Variants in PCDH15 observed in about 807,000 individuals in gnomAD.
PCDH15 encodes the protein protocadherin related 15.
PCDH15 carries 129 observed loss-of-function variants against 178.5 expected under a neutral mutation model. That is an observed-to-expected ratio of 0.72 (90% CI 0.63 to 0.84). PCDH15 has a LOEUF of 0.84. Ranked by LOEUF, PCDH15 falls within the 40% of genes least tolerant of loss-of-function variation. The pLI, the probability that PCDH15 is intolerant of heterozygous loss-of-function variation, is 0.00. For missense variants in PCDH15, 2,230 were observed against 2,099.9 expected (o/e 1.06, Z -1.21); for synonymous variants, 800 against 732.0 (o/e 1.09, Z -1.50).
intron 1 of PCDH15, among the ~76,000 whole-genome samples, chr10:54,713,836 G>A (rs1335869542): frequency 6.6e-6 from 1 of 152,072 alleles, no homozygotes; most frequent in African/African-American, 2.4e-5. Context: ...TTATCAAAAA[G>A]GTTAAATCCT....
At chr10:53,823,808 G>GAGCC (rs1657357578) in intron 32 of PCDH15, 1 of 456,266 alleles carries the variant, frequency 2.2e-6, no homozygotes, top group Non-Finnish European at 4.4e-6. Flanking sequence ...TTCTGTCCTA[G>GAGCC]AGCCAAAAGT....
chr10:55,316,578 T>C (rs1205201290), intron 1 of PCDH15, among the ~76,000 whole-genome samples: 1 of 152,158 alleles, frequency 6.6e-6, no homozygotes. Context: ...TGAGCCCATT[T>C]GTAGCTTCAG....
At chr10:53,980,220 C>CAA (rs11393600) in intron 21 of PCDH15, among the ~76,000 whole-genome samples, 12,868 of 137,182 alleles carry the variant, frequency 0.094, 1,580 homozygotes, top group African/African-American at 0.28. Flanking sequence ...GACTCCATCT[C>CAA]AAAAAAAAAA....
intron 2 of PCDH15, among the ~76,000 whole-genome samples, chr10:54,938,293 CATAGTGTATAGTACT>C (rs2131860364): frequency 6.9e-6 from 1 of 144,944 alleles, no homozygotes. Flanking sequence ...TTCGGTTTAG[CATAGTGTATAGTACT>C]TTTTATATGT....
intron 1 of PCDH15, among the ~76,000 whole-genome samples, chr10:54,740,685 T>C (rs1944677891): frequency 6.6e-6 from 1 of 151,962 alleles, no homozygotes; most frequent in Admixed American, 6.6e-5. Context: ...GGCGTATTAA[T>C]ACATTAAAAA....
chr10:54,299,313 G>A (rs919029789), intron 8 of PCDH15, among the ~76,000 whole-genome samples: 5 of 151,938 alleles, frequency 3.3e-5, no homozygotes, highest in Non-Finnish European at 7.4e-5. Context: ...GACAAAGAGG[G>A]AGTCAGAAAG....
intron 10 of PCDH15, among the ~76,000 whole-genome samples, chr10:54,205,009 A>T (rs531934410): frequency 6.6e-6 from 1 of 152,238 alleles, no homozygotes; most frequent in Non-Finnish European, 1.5e-5. Context: ...TATTAGTTTA[A>T]TTTTATCATA....
intron 3 of PCDH15, among the ~76,000 whole-genome samples, chr10:54,819,228 G>A (rs1952997481): frequency 6.6e-6 from 1 of 151,856 alleles, no homozygotes. Flanking sequence ...AACATTCATG[G>A]TAACTGATAG....
chr10:54,747,306 G>T (rs910719084), intron 1 of PCDH15, among the ~76,000 whole-genome samples: 7 of 152,118 alleles, frequency 4.6e-5, no homozygotes, highest in African/African-American at 1.7e-4. Context: ...AGCAGTCTCA[G>T]GTCTGTTATG....
intron 1 of PCDH15, among the ~76,000 whole-genome samples, chr10:55,182,400 T>C (rs747707404): frequency 2.0e-5 from 3 of 151,926 alleles, no homozygotes; most frequent in Non-Finnish European, 4.4e-5. Context: ...ACACTTGCAC[T>C]TGCTCATGAA....
intron 1 of PCDH15, among the ~76,000 whole-genome samples, chr10:55,241,708 C>T (rs920833561): frequency 6.6e-6 from 1 of 152,192 alleles, no homozygotes; most frequent in Non-Finnish European, 1.5e-5. Context: ...CAGGTATGAG[C>T]CACCACGCCC....
At chr10:54,781,858 C>T (rs1231697902) in intron 1 of PCDH15, among the ~76,000 whole-genome samples, 1 of 152,092 alleles carries the variant, frequency 6.6e-6, no homozygotes, top group Non-Finnish European at 1.5e-5. Flanking sequence ...ACACGAGGTT[C>T]CTGCTTTCAA....
At position 54,118,111 on chromosome 10, in the gene PCDH15, T is replaced by C. The variant is rs1245616287; in HGVS notation, c.1917+14764A>G. 2.0e-5 allele frequency among the ~76,000 whole-genome samples: 3 copies of C among 152,160 alleles called. 1 individual carries two copies. The highest frequency in any genetic ancestry group is 7.2e-5 in the African/African-American group (3 of 41,450). On this transcript the variant is annotated intron_variant, in intron 15 of 37. Coordinates refer to ENST00000644397, the MANE Select transcript of PCDH15 (RefSeq NM_001384140.1). ...GCAATCTTAAGCCAAAGAACAAAGC[T>C]GAAGCCATCACACTACCTGCATTCA...
Position 55,018,209 on chromosome 10 carries a change from T to A in PCDH15, c.-79-120709A>T, listed in dbSNP as rs142598216. Among the ~76,000 whole-genome samples, 378 of 152,012 alleles carry A rather than the reference T, an allele frequency of 2.5e-3. 1 individual carries two copies. The highest frequency in any genetic ancestry group is 0.014 in the Middle Eastern group (4 of 294). ...GCATTGCAGTATAATCTGGAAAAAA[T>A]TAATGCGAAAAAGTTGATCTATGAT... On this transcript the variant is annotated intron_variant, in intron 2 of 5. Transcript: ENST00000458638.
At chr10:54,910,763 GAACTATT>G (rs1954802249) in intron 2 of PCDH15, among the ~76,000 whole-genome samples, 1 of 152,088 alleles carries the variant, frequency 6.6e-6, no homozygotes, top group Non-Finnish European at 1.5e-5. Flanking sequence ...GAAAATCAGT[GAACTATT>G]AACTATTTGT....
At chr10:54,324,464 A>G (rs1666596041) in intron 7 of PCDH15, among the ~76,000 whole-genome samples, 1 of 152,132 alleles carries the variant, frequency 6.6e-6, no homozygotes, top group African/African-American at 2.4e-5. Context: ...TCTTGCCATG[A>G]TTCTAAATTA....
intron 2 of PCDH15, among the ~76,000 whole-genome samples, chr10:54,546,526 A>G (rs2085870347): frequency 6.6e-6 from 1 of 152,158 alleles, no homozygotes; most frequent in Admixed American, 6.6e-5. Context: ...TAAGAAATAA[A>G]TGCATTGCAT....
chr10:55,205,296 A>G (rs1356810783), intron 1 of PCDH15, among the ~76,000 whole-genome samples: 4 of 152,042 alleles, frequency 2.6e-5, no homozygotes, highest in South Asian at 4.1e-4. Context: ...AGAATTCTCA[A>G]TTAAAGCAAT....
intron 2 of PCDH15, among the ~76,000 whole-genome samples, chr10:54,965,219 T>C (rs1016520396): frequency 6.6e-6 from 1 of 152,104 alleles, no homozygotes; most frequent in Non-Finnish European, 1.5e-5. Context: ...GTATCTCACA[T>C]AGTGGCATGG....
Sources: gnomAD v4.1 joint callset for allele counts (sites outside exome capture counted in the v4.1 genomes callset) on GRCh38, gnomAD v4.1.1 for gene constraint, MANE v1.5 for transcripts, NCBI Gene and HGNC (gene_info 2026-07-23, HGNC 2026-07-21) for gene names.